The following MYO1E variants were observed in gnomAD, a reference collection of about 807,000 sequenced individuals.
The protein encoded by MYO1E is myosin IE.
In MYO1E, 68 loss-of-function variants were observed where a neutral mutation model predicts 151.1. The ratio of observed to expected loss-of-function variants is 0.45; its 90% CI spans 0.37 to 0.55. The LOEUF (loss-of-function observed/expected upper bound fraction) is 0.55. Ranked by LOEUF, MYO1E falls within the 20% of genes least tolerant of loss-of-function variation. The probability of loss-of-function intolerance (pLI) is 0.00; values close to 1 mark genes in which losing one functional copy is unlikely to be tolerated. For missense variants in MYO1E, 1,363 were observed against 1,389.3 expected, an observed-to-expected ratio of 0.98 and a Z score of 0.30; for synonymous variants, 601 against 501.7, an observed-to-expected ratio of 1.20 and a Z score of -2.64.
At chr15:59,193,425 A>G (rs1471538546) in intron 17 of MYO1E, among the ~76,000 whole-genome samples, 1 of 152,154 alleles carries the variant, frequency 6.6e-6, no homozygotes, top group Non-Finnish European at 1.5e-5. Context: ...TTTAGAGGAG[A>G]AGAGATGACA....
Position 59,188,098 on chromosome 15 carries a change from CAG to C in MYO1E, c.1904+18_1904+19del, listed in dbSNP as rs770191479. ...TCAATAAACCTGTTTTAAAAAAGGC[CAG>C]AGTCACTAGTTCATTACCTCTGTAG... On this transcript the variant is annotated intron_variant, in intron 18 of 27. Transcript: ENST00000288235. 1.3e-6 allele frequency: 2 copies of C among 1,572,236 alleles called. No individual in the cohort carries two copies. The highest frequency in any genetic ancestry group is 2.2e-5 in the South Asian group (2 of 90,254).
In MYO1E at chr15:59,138,357, G is replaced by C. The variant is rs1406316883; in HGVS notation, c.3091C>G (p.Gln1031Glu). 1.2e-6 allele frequency: 2 copies of C among 1,613,934 alleles called. No individual in the cohort carries two copies. The highest frequency in any genetic ancestry group is 1.7e-5 in the Admixed American group (1 of 60,004). ...PDQGAAGVRRQTTSRPPPAGG... is the reference protein window; with the variant it reads ...PDQGAAGVRRETTSRPPPAGG... ...GCTGGGGGAGGCCGACTGGTTGTTT[G>C]TCTCCTGACCCTGTGGAGAGAGTGG... Residue 1031 changes from glutamine to glutamate, a missense_variant, in exon 27 of 28, where the codon CAA (glutamine) becomes GAA (glutamate). By Grantham distance (29) the Gln-to-Glu change is conservative (BLOSUM62 2). Coordinates refer to ENST00000288235, the MANE Select transcript of MYO1E (RefSeq NM_004998.4).
chr15:59,178,168 C>T (rs1390774745), intron 19 of MYO1E, among the ~76,000 whole-genome samples: 7 of 152,208 alleles, frequency 4.6e-5, no homozygotes, highest in African/African-American at 1.7e-4. Flanking sequence ...CTTTTTCTAC[C>T]TGCTTAGTGC....
chr15:59,337,256 A>G (rs2140426629), intron 1 of MYO1E, among the ~76,000 whole-genome samples: 1 of 152,324 alleles, frequency 6.6e-6, no homozygotes, highest in South Asian at 2.1e-4. Flanking sequence ...TTTCTATTGA[A>G]TAATTTTTAA....
intron 1 of MYO1E, among the ~76,000 whole-genome samples, chr15:59,339,728 C>T (rs1158319915): frequency 1.3e-5 from 2 of 152,220 alleles, no homozygotes; most frequent in East Asian, 3.8e-4. Context: ...GTGGCTCCAG[C>T]CTGTAATCCC....
rs1038646710 is a variant in MYO1E at position 59,224,021 on chromosome 15, T to A, written c.777+668A>T. Among the ~76,000 whole-genome samples, 5 of 152,192 alleles carry A rather than the reference T, an allele frequency of 3.3e-5. No homozygotes were observed. In the South Asian group the frequency reaches 1.0e-3, roughly 32 times the overall value. On this transcript the variant is annotated intron_variant, in intron 8 of 27. Transcript: ENST00000288235. ...TCAGAGTCTACTGCTCAGTTCTGGA[T>A]CTGGGTTGAGGAATAGTCCCCAGCT...
chr15:59,292,967 G>C (rs1354562385), intron 1 of MYO1E, among the ~76,000 whole-genome samples: 2 of 152,138 alleles, frequency 1.3e-5, no homozygotes, highest in African/African-American at 4.8e-5. Flanking sequence ...GGGAGGCCTC[G>C]GCTCATAAAC....
chr15:59,370,791 T>C (rs757887544), intron 1 of MYO1E, among the ~76,000 whole-genome samples: 1 of 152,212 alleles, frequency 6.6e-6, no homozygotes, highest in Non-Finnish European at 1.5e-5. Context: ...AAGGTACCAC[T>C]CAAGTACTTA....
chr15:59,336,525 CA>C (rs2080729527), intron 1 of MYO1E, among the ~76,000 whole-genome samples: 1 of 152,092 alleles, frequency 6.6e-6, no homozygotes, highest in Admixed American at 6.5e-5. Context: ...GAATTTTGGA[CA>C]TGTGTTGGAT....
At chr15:59,146,447 C>G (rs2140302589) in intron 26 of MYO1E, among the ~76,000 whole-genome samples, 1 of 152,156 alleles carries the variant, frequency 6.6e-6, no homozygotes, top group South Asian at 2.1e-4. Context: ...TCCCAAGTAG[C>G]TGGGATTATA....
At chr15:59,138,434 G>T in intron 26 of MYO1E, 67 bp from the exon 27 acceptor site, 1 of 1,566,058 alleles carries the variant, frequency 6.4e-7, no homozygotes, top group Non-Finnish European at 8.8e-7. Context: ...ACGGTGGTTT[G>T]GAGCATGGCG....
chr15:59,143,508 T>C (rs1161949508), intron 26 of MYO1E, among the ~76,000 whole-genome samples: 1 of 152,156 alleles, frequency 6.6e-6, no homozygotes, highest in Non-Finnish European at 1.5e-5. Context: ...GTGAGAGCCA[T>C]TCTCCCTGGC....
At chr15:59,351,029 T>C (rs1035166728) in intron 1 of MYO1E, among the ~76,000 whole-genome samples, 2 of 152,226 alleles carry the variant, frequency 1.3e-5, no homozygotes, top group Non-Finnish European at 2.9e-5. Flanking sequence ...CCAGAGTAGC[T>C]GGGACTACAG....
At chr15:59,320,154 T>G (rs1234123645) in intron 1 of MYO1E, among the ~76,000 whole-genome samples, 1 of 152,018 alleles carries the variant, frequency 6.6e-6, no homozygotes, top group Non-Finnish European at 1.5e-5. Context: ...CAAAACACTG[T>G]TGAAAGAAAT....
rs766281016 is a variant in MYO1E, at chr15:59,205,409, C to T, written c.1607G>A (p.Ser536Asn). Residue 536 changes from serine (S) to asparagine (N), a missense_variant, in exon 15 of 28, where the codon AGC (serine) becomes AAC (asparagine). Coordinates refer to ENST00000288235, the MANE Select transcript of MYO1E (RefSeq NM_004998.4). ...GGCAAAACATACTTACAGCTCGCTGCTCTGCATAAGCTCGATGAGATCCAT... is the reference window on the plus strand; with the variant it reads ...GGCAAAACATACTTACAGCTCGCTGTTCTGCATAAGCTCGATGAGATCCAT... ...LFMDLIELMQ[S>N]SELPFIKSLF... 37 of 1,613,990 alleles carry T rather than the reference C, an allele frequency of 2.3e-5. No homozygotes were observed. In the Admixed American group the frequency reaches 4.8e-4, roughly 21 times the overall value.
chr15:59,184,494 G>A (rs539652127), intron 18 of MYO1E, among the ~76,000 whole-genome samples: 1 of 152,086 alleles, frequency 6.6e-6, no homozygotes, highest in South Asian at 2.1e-4. Flanking sequence ...CCAAGTAGCT[G>A]GCATTACAGG....
intron 4 of MYO1E, among the ~76,000 whole-genome samples, 179 bp from the exon 5 acceptor site, chr15:59,236,851 T>C (rs2140358289): frequency 6.6e-6 from 1 of 152,296 alleles, no homozygotes; most frequent in African/African-American, 2.4e-5. Flanking sequence ...CAGGATTAGG[T>C]CGCCCATGTG....
chr15:59,174,130 T>C lies in MYO1E; in HGVS notation c.2160A>G (p.Glu720=). Reference sequence around the variant, plus strand: ...GAAACAAAATTGCTAAAATACCTTCTTCTCTCATTTGAACGTATTTCTTCC... The same window carrying C: ...GAAACAAAATTGCTAAAATACCTTCCTCTCTCATTTGAACGTATTTCTTCC... ...VARKKYVQMR[E]EASDLLLNKK... Residue 720 remains glutamate (E), a synonymous_variant, in exon 20 of 28, where the codon GAA becomes GAG. Transcript: ENST00000288235. The C allele has an allele frequency of 6.2e-7, 1 of 1,611,488 alleles. No individual in the cohort carries two copies. The highest frequency in any genetic ancestry group is 8.5e-7 in the Non-Finnish European group (1 of 1,177,600).
chr15:59,219,998 A>G (rs1162672164), intron 9 of MYO1E, among the ~76,000 whole-genome samples: 1 of 152,272 alleles, frequency 6.6e-6, no homozygotes, highest in East Asian at 1.9e-4. Context: ...TTCATAAATC[A>G]GACTGGACCC....
Sources: allele counts gnomAD v4.1 joint callset (sites outside exome capture counted in the v4.1 genomes callset), GRCh38; gene constraint gnomAD v4.1.1; transcripts MANE v1.5; gene names NCBI Gene and HGNC (gene_info 2026-07-23, HGNC 2026-07-21).